FRMD6: variants seen among roughly 807,000 people sequenced by gnomAD.
FRMD6 encodes the protein FERM domain containing 6.
Under a neutral mutation model 73.2 loss-of-function variants are expected in FRMD6, and 37 were observed. The observed-to-expected ratio is 0.51, with a 90% confidence interval of 0.39 to 0.66. The LOEUF (loss-of-function observed/expected upper bound fraction) is 0.66. Among genes scored for constraint, FRMD6 ranks in the 30% least tolerant of loss-of-function variants. FRMD6 has a pLI of 0.00. For synonymous variants in FRMD6, 273 were observed against 282.2 expected, an observed-to-expected ratio of 0.97 and a Z score of 0.33; for missense variants, 714 against 780.5, an observed-to-expected ratio of 0.91 and a Z score of 1.02.
chr14:51,471,937 T>C, the FRMD6 span, among the ~76,000 whole-genome samples: 1 of 152,210 alleles, frequency 6.6e-6, no homozygotes, highest in East Asian at 1.9e-4. Context: ...CTTTTGCCCT[T>C]CTGCCTCTGC....
chr14:51,547,409 C>T (rs1450150766), intron 1 of FRMD6, among the ~76,000 whole-genome samples: 1 of 152,068 alleles, frequency 6.6e-6, no homozygotes, highest in Admixed American at 6.6e-5. Context: ...GATTCCTAAC[C>T]CTCCTCATGG....
At chr14:51,443,289 C>T in the FRMD6 span, among the ~76,000 whole-genome samples, 1 of 152,228 alleles carries the variant, frequency 6.6e-6, no homozygotes, top group Non-Finnish European at 1.5e-5. Context: ...ACAGCACATG[C>T]TAGCCAGAAG....
the FRMD6 span, among the ~76,000 whole-genome samples, chr14:51,399,040 A>G: frequency 6.6e-6 from 1 of 152,134 alleles, no homozygotes; most frequent in African/African-American, 2.4e-5. Flanking sequence ...GGCACACCCT[A>G]AACTCAGCAA....
At chr14:51,431,546 C>T in the FRMD6 span, among the ~76,000 whole-genome samples, 1 of 152,166 alleles carries the variant, frequency 6.6e-6, no homozygotes, top group Non-Finnish European at 1.5e-5. Flanking sequence ...GACAGCACCT[C>T]CTTCTTAACC....
At chr14:51,608,116 T>A (rs1379103190) in intron 2 of FRMD6, among the ~76,000 whole-genome samples, 1 of 152,168 alleles carries the variant, frequency 6.6e-6, no homozygotes, top group Non-Finnish European at 1.5e-5. Context: ...CTGCGGTGAT[T>A]TGGGAGAGGG....
chr14:51,606,388 C>T (rs1890258017), intron 2 of FRMD6, among the ~76,000 whole-genome samples: 1 of 152,296 alleles, frequency 6.6e-6, no homozygotes, highest in East Asian at 1.9e-4. Flanking sequence ...ATGTGAGACA[C>T]ATGCACATCC....
the FRMD6 span, among the ~76,000 whole-genome samples, chr14:51,464,721 C>A: frequency 6.6e-4 from 101 of 152,152 alleles, no homozygotes; most frequent in Middle Eastern, 3.4e-3. Context: ...CCAGACAGAA[C>A]GTAGAGTGGT....
chr14:51,452,807 TAGA>T, the FRMD6 span, among the ~76,000 whole-genome samples: 1 of 152,136 alleles, frequency 6.6e-6, no homozygotes, highest in African/African-American at 2.4e-5. Flanking sequence ...GACAGGGTGT[TAGA>T]AGGCATACGA....
At chr14:51,695,216 A>G (rs1312401849) in intron 2 of FRMD6, among the ~76,000 whole-genome samples, 1 of 152,212 alleles carries the variant, frequency 6.6e-6, no homozygotes, top group Non-Finnish European at 1.5e-5. Context: ...TGTAAACAAC[A>G]TGACATTTTA....
chr14:51,452,871 T>C, the FRMD6 span, among the ~76,000 whole-genome samples: 2 of 152,156 alleles, frequency 1.3e-5, no homozygotes, highest in Admixed American at 1.3e-4. Context: ...GCAAGGAAGA[T>C]GTCCAGTACT....
chr14:51,626,264 G>T (rs1891111625), intron 2 of FRMD6, among the ~76,000 whole-genome samples: 1 of 152,042 alleles, frequency 6.6e-6, no homozygotes, highest in Admixed American at 6.6e-5. Flanking sequence ...GAAGAACAAG[G>T]TCCATGTCTT....
intron 1 of FRMD6, among the ~76,000 whole-genome samples, chr14:51,558,188 G>C (rs1887258477): frequency 6.6e-6 from 1 of 151,932 alleles, no homozygotes; most frequent in Admixed American, 6.6e-5. Flanking sequence ...ATTAAATGAG[G>C]CCGGGCACGA....
chr14:51,726,624 C>T (rs1234518769), intron 13 of FRMD6, among the ~76,000 whole-genome samples: 1 of 152,080 alleles, frequency 6.6e-6, no homozygotes, highest in South Asian at 2.1e-4. Flanking sequence ...GAAATATTTT[C>T]CTGAAAACTG....
intron 2 of FRMD6, among the ~76,000 whole-genome samples, chr14:51,605,290 C>G (rs200321428): frequency 6.6e-6 from 1 of 151,720 alleles, no homozygotes; most frequent in Non-Finnish European, 1.5e-5. Flanking sequence ...TGGGGCCTTC[C>G]GCAGTGTTTG....
chr14:51,607,469 A>G (rs1368239879), intron 2 of FRMD6, among the ~76,000 whole-genome samples: 1 of 152,308 alleles, frequency 6.6e-6, no homozygotes, highest in South Asian at 2.1e-4. Context: ...TGACAAAGAA[A>G]TGACTAGGTT....
chr14:51,533,707 C>G (rs941332819), intron 1 of FRMD6, among the ~76,000 whole-genome samples: 2 of 152,284 alleles, frequency 1.3e-5, no homozygotes, highest in Admixed American at 1.3e-4. Flanking sequence ...CCTTCTGAAC[C>G]CTATCAATAA....
intron 2 of FRMD6, among the ~76,000 whole-genome samples, chr14:51,633,989 A>T (rs1193822116): frequency 6.6e-6 from 1 of 150,690 alleles, no homozygotes; most frequent in Non-Finnish European, 1.5e-5. Flanking sequence ...GGTTTACAGA[A>T]CATGCCTGTG....
chr14:51,467,755 T>C, the FRMD6 span, among the ~76,000 whole-genome samples: 2 of 145,268 alleles, frequency 1.4e-5, no homozygotes, highest in African/African-American at 5.2e-5. Context: ...GAGACGCTCC[T>C]CACTTCCTAG....
chr14:51,573,545 A>G (rs1157856076), intron 2 of FRMD6, among the ~76,000 whole-genome samples: 5 of 152,214 alleles, frequency 3.3e-5, no homozygotes, highest in Non-Finnish European at 5.9e-5. Flanking sequence ...GTGAGGAGCC[A>G]GATCCCAGGG....
Sources: gnomAD v4.1 joint callset for allele counts (sites outside exome capture counted in the v4.1 genomes callset) on GRCh38, gnomAD v4.1.1 for gene constraint, MANE v1.5 for transcripts, NCBI Gene and HGNC (gene_info 2026-07-23, HGNC 2026-07-21) for gene names.